The following RP1L1 variants were observed in gnomAD, a reference collection of about 807,000 sequenced individuals.
RP1L1 encodes retinitis pigmentosa 1-like 1 protein.
In RP1L1, 27 loss-of-function variants were observed where a neutral mutation model predicts 15.7. That is an observed-to-expected ratio of 1.72 (90% CI 1.27 to 2.38). The LOEUF (loss-of-function observed/expected upper bound fraction) is 2.38. Ranked by LOEUF, RP1L1 falls within the 30% of genes most tolerant of loss-of-function variation. The pLI is 0.00. For synonymous variants in RP1L1, 1,813 were observed against 1,276.7 expected, an observed-to-expected ratio of 1.42 and a Z score of -8.96; for missense variants, 4,798 against 3,075.9, an observed-to-expected ratio of 1.56 and a Z score of -13.24.
intron 1 of RP1L1, among the ~76,000 whole-genome samples, chr8:10,635,555 G>C (rs534113424): frequency 9.3e-4 from 141 of 152,306 alleles, no homozygotes; most frequent in South Asian, 8.7e-3. Flanking sequence ...AGAAGACCAG[G>C]TAACTTCTGT....
chr8:10,633,989 A>T (rs913554595), intron 1 of RP1L1, among the ~76,000 whole-genome samples: 1 of 152,088 alleles, frequency 6.6e-6, no homozygotes, highest in Non-Finnish European at 1.5e-5. Flanking sequence ...AGGGTGCCCG[A>T]GGGCCTGACC....
At position 10,623,118 on chromosome 8, in the gene RP1L1, G is replaced by A; in HGVS notation, c.84C>T (p.Thr28=). ...LPSVARTPSV[T]KVTPAKKITF... ...TGATCTTCTTGGCTGGCGTGACCTT[G>A]GTGACCGAGGGGGTGCGAGCCACAG... Residue 28 remains threonine, a synonymous_variant, in exon 2 of 4, where the codon ACC becomes ACT. Coordinates refer to ENST00000382483, the MANE Select transcript of RP1L1 (RefSeq NM_178857.6). The A allele has an allele frequency of 6.2e-7, 1 of 1,612,526 alleles. No individual in the cohort carries two copies. Among genetic ancestry groups the A allele is most frequent in the Non-Finnish European group, 8.5e-7 (1 of 1,179,192 alleles).
intron 2 of RP1L1, among the ~76,000 whole-genome samples, chr8:10,617,249 C>T (rs1201163535): frequency 6.6e-6 from 1 of 151,994 alleles, no homozygotes; most frequent in African/African-American, 2.4e-5. Context: ...GGTCCCTGGA[C>T]CGAGAAGCCC....
chr8:10,622,063 T>C (rs868699204), intron 2 of RP1L1, among the ~76,000 whole-genome samples: 22 of 152,288 alleles, frequency 1.4e-4, no homozygotes, highest in African/African-American at 4.6e-4. Flanking sequence ...GGCTCATGCC[T>C]GTAATCCCAG....
intron 1 of RP1L1, among the ~76,000 whole-genome samples, chr8:10,635,461 C>T (rs1229265919): frequency 6.6e-6 from 1 of 152,224 alleles, no homozygotes; most frequent in Non-Finnish European, 1.5e-5. Flanking sequence ...GTAGCCAACG[C>T]AATTCAGGTT....
rs768910233 is a variant in RP1L1 at position 10,608,092 on chromosome 8, G to A, written c.6006C>T (p.Ala2002=). The A allele has an allele frequency of 1.2e-6, 2 of 1,609,480 alleles. No individual in the cohort carries two copies. The highest frequency in any genetic ancestry group is 2.2e-5 in the East Asian group (1 of 44,530). The change falls in exon 4 of 4, where the codon GCC becomes GCT. Residue 2002 remains alanine (A), a synonymous_variant. Coordinates refer to ENST00000382483, the MANE Select transcript of RP1L1 (RefSeq NM_178857.6). ...EAQPESEDVE[A]PEAEGEMQEA... ...CTTGCATCTCCCCTTCAGCCTCTGGGGCCTCTACATCTTCTGACTCTGGCT... is the reference window on the plus strand; with the variant it reads ...CTTGCATCTCCCCTTCAGCCTCTGGAGCCTCTACATCTTCTGACTCTGGCT...
Position 10,610,674 on chromosome 8 carries a change from T to A in RP1L1, c.3424A>T (p.Lys1142Ter). ...AGCTCCTGGTACCGAGGGGAGTCTTTGAACCTCACTTTGCTGGCAGGAGAC... is the reference window on the plus strand; with the variant it reads ...AGCTCCTGGTACCGAGGGGAGTCTTAGAACCTCACTTTGCTGGCAGGAGAC... ...LGSPASKVRF[K>*]DSPRYQELLS... Residue 1142 changes from lysine to a stop codon, truncating the protein, a stop_gained, in exon 4 of 4, where the codon AAA (lysine) becomes TAA (stop). Coordinates refer to ENST00000382483, the MANE Select transcript of RP1L1 (RefSeq NM_178857.6). LOFTEE classifies it low-confidence loss of function (END_TRUNC). 6.2e-7 allele frequency: 1 copy of A among 1,612,366 alleles called. No homozygotes were observed. The highest frequency in any genetic ancestry group is 8.5e-7 in the Non-Finnish European group (1 of 1,179,326).
chr8:10,648,273 C>G (rs905310338), intron 1 of RP1L1, among the ~76,000 whole-genome samples: 7 of 152,180 alleles, frequency 4.6e-5, no homozygotes, highest in Non-Finnish European at 7.3e-5. Flanking sequence ...CTCAGGTCAT[C>G]CACCTGCCTC....
intron 1 of RP1L1, among the ~76,000 whole-genome samples, chr8:10,634,300 G>A (rs1424871869): frequency 1.3e-5 from 2 of 152,130 alleles, no homozygotes; most frequent in East Asian, 1.9e-4. Flanking sequence ...CCCAGGACCC[G>A]AGAAGGAGCA....
chr8:10,611,086 C>T lies in RP1L1; in HGVS notation c.3012G>A (p.Gly1004=). The part of the protein sequence containing the change: ...PGDDHSLEGL[G]EPAQAGQQSL... ...ACTGCTGTCCCGCCTGAGCTGGCTC[C>T]CCCAGGCCTTCCAGAGAATGGTCAT... Residue 1004 remains glycine (G), a synonymous_variant, in exon 4 of 4, where the codon GGG becomes GGA. Coordinates refer to ENST00000382483, the MANE Select transcript of RP1L1 (RefSeq NM_178857.6). 2.5e-6 allele frequency: 4 copies of T among 1,612,876 alleles called. No individual in the cohort carries two copies. Among genetic ancestry groups the T allele is most frequent in the Non-Finnish European group, 3.4e-6 (4 of 1,180,004 alleles).
intron 1 of RP1L1, among the ~76,000 whole-genome samples, chr8:10,647,896 A>T (rs1798502689): frequency 6.6e-6 from 1 of 152,186 alleles, no homozygotes; most frequent in African/African-American, 2.4e-5. Context: ...TTGTACATTT[A>T]ATTTCTTGGA....
In RP1L1 at chr8:10,623,053, C is replaced by G; in HGVS notation, c.149G>C (p.Arg50Pro). The G allele has an allele frequency of 6.2e-7, 1 of 1,614,100 alleles. No homozygotes were observed. Among genetic ancestry groups the G allele is most frequent in the Non-Finnish European group, 8.5e-7 (1 of 1,180,024 alleles). Residue 50 changes from arginine to proline, a missense_variant, in exon 2 of 4, where the codon CGC becomes CCC. Transcript: ENST00000382483. ...KRGDPRFAGV[R>P]LAVHQRAFKT... ...AAAGGCGCGCTGGTGAACGGCCAGG[C>G]GGACCCCAGCAAACCGTGGATCCCC...
chr8:10,633,604 C>T (rs1798285226), intron 1 of RP1L1, among the ~76,000 whole-genome samples: 1 of 152,140 alleles, frequency 6.6e-6, no homozygotes, highest in South Asian at 2.1e-4. Flanking sequence ...AGGAGCGCAG[C>T]GTCCCGCACA....
chr8:10,609,773 C>T lies in RP1L1; in HGVS notation c.4325G>A (p.Cys1442Tyr), dbSNP rs934196715. The change falls in exon 4 of 4, where the codon TGC becomes TAC. Residue 1442 changes from cysteine (C) to tyrosine (Y), a missense_variant. Coordinates refer to ENST00000382483, the MANE Select transcript of RP1L1 (RefSeq NM_178857.6). ...AGRASASAEP[C>Y]PAEGTEEPTE... Reference sequence around the variant, plus strand: ...GGGTTCCTCTGTGCCCTCTGCGGGGCACGGCTCTGCAGAGGCAGAGGCTCT... The same window carrying T: ...GGGTTCCTCTGTGCCCTCTGCGGGGTACGGCTCTGCAGAGGCAGAGGCTCT... The T allele has an allele frequency of 1.9e-6, 3 of 1,613,514 alleles. No individual in the cohort carries two copies. The highest frequency in any genetic ancestry group is 2.7e-5 in the African/African-American group (2 of 74,928).
chr8:10,637,961 G>A (rs923995549), intron 1 of RP1L1, among the ~76,000 whole-genome samples: 6 of 152,168 alleles, frequency 3.9e-5, no homozygotes, highest in Admixed American at 2.0e-4. Flanking sequence ...GCAGCCCCAG[G>A]GCTGGGTCCC....
At chr8:10,636,016 G>C (rs566556669) in intron 1 of RP1L1, among the ~76,000 whole-genome samples, 16 of 152,366 alleles carry the variant, frequency 1.1e-4, no homozygotes, top group Non-Finnish European at 1.9e-4. Flanking sequence ...CTCTGCCACA[G>C]ATTCCATCAT....
intron 1 of RP1L1, among the ~76,000 whole-genome samples, chr8:10,648,096 A>G (rs1798505958): frequency 6.6e-6 from 1 of 151,052 alleles, no homozygotes; most frequent in African/African-American, 2.4e-5. Flanking sequence ...CAGTGGCGCC[A>G]TCTCGGCTCA....
rs552849663 is a variant in RP1L1 at position 10,606,632 on chromosome 8, G to A, written c.*263C>T. The A allele has an allele frequency of 5.7e-6, 3 of 530,412 alleles. No homozygotes were observed. The highest frequency in any genetic ancestry group is 3.5e-5 in the East Asian group (1 of 28,936). The allele number at this position is 530,412 out of a possible 1,614,324, so 32.9% of individuals were successfully genotyped here. ...CTCTGCAGACAAATAAATAGGAGCC[G>A]GGCTGACCTCCGATAACCGGGCAGA... On this transcript the variant is annotated 3_prime_UTR_variant, in exon 4 of 4. Transcript: ENST00000382483.
intron 1 of RP1L1, among the ~76,000 whole-genome samples, chr8:10,646,968 G>A (rs1180564180): frequency 2.0e-5 from 3 of 152,196 alleles, no homozygotes; most frequent in Admixed American, 2.0e-4. Flanking sequence ...TCGCTCCAGT[G>A]GAAGAAAGCC....
Sources: allele counts gnomAD v4.1 joint callset (sites outside exome capture counted in the v4.1 genomes callset), GRCh38; gene constraint gnomAD v4.1.1; transcripts MANE v1.5; gene names NCBI Gene and HGNC (gene_info 2026-07-23, HGNC 2026-07-21).